Variants in DNAH7 observed in about 807,000 individuals in gnomAD.
DNAH7 encodes axonemal beta dynein heavy chain 7.
DNAH7 carries 397 observed loss-of-function variants against 444.6 expected under a neutral mutation model. The observed-to-expected ratio is 0.89, with a 90% CI of 0.82 to 0.97. DNAH7 has a LOEUF of 0.97. Ranked by LOEUF, DNAH7 falls within the 50% of genes least tolerant of loss-of-function variation. The pLI is 0.00. For missense variants in DNAH7, 4,902 were observed against 4,800.8 expected, an observed-to-expected ratio of 1.02 and a Z score of -0.62; for synonymous variants, 1,636 against 1,624.4, an observed-to-expected ratio of 1.01 and a Z score of -0.17.
At chr2:196,054,655 C>G (rs1697691208) in intron 2 of DNAH7, among the ~76,000 whole-genome samples, 1 of 152,182 alleles carries the variant, frequency 6.6e-6, no homozygotes, top group African/African-American at 2.4e-5. Flanking sequence ...TTGGCTGTGT[C>G]CCAACCCAAA....
chr2:196,053,024 C>T (rs895463548), intron 2 of DNAH7, among the ~76,000 whole-genome samples: 1 of 108,482 alleles, frequency 9.2e-6, no homozygotes, highest in African/African-American at 3.7e-5. Context: ...TTATGGAGTA[C>T]ACATTCTAGA....
At chr2:195,750,392 C>T (rs902200533) in intron 63 of DNAH7, among the ~76,000 whole-genome samples, 2 of 152,118 alleles carry the variant, frequency 1.3e-5, no homozygotes, top group African/African-American at 2.4e-5. Flanking sequence ...AAACATATAA[C>T]CCTGAAAGAC....
rs116045638 is a variant in DNAH7 at position 196,022,398 on chromosome 2, A to G, written c.743+2031T>C. On this transcript the variant is annotated intron_variant, in intron 8 of 64. Transcript: ENST00000312428. ...AACTAGAACTTCTTTCAAAATTGGA[A>G]TCAATCCTCTTGAACTCTGATGCTG... 5.3e-3 allele frequency among the ~76,000 whole-genome samples: 801 copies of G among 152,354 alleles called. 4 individuals carry two copies. Among genetic ancestry groups the G allele is most frequent in the African/African-American group, 0.018 (760 of 41,572 alleles).
At chr2:195,997,591 G>A (rs1377475678) in intron 12 of DNAH7, among the ~76,000 whole-genome samples, 2 of 151,964 alleles carry the variant, frequency 1.3e-5, no homozygotes, top group African/African-American at 2.4e-5. Flanking sequence ...ACCTCCAGAT[G>A]TTCTAAAGCA....
intron 19 of DNAH7, among the ~76,000 whole-genome samples, chr2:195,944,336 G>C (rs1213989507): frequency 1.3e-5 from 2 of 152,066 alleles, no homozygotes; most frequent in East Asian, 3.9e-4. Context: ...CAGAAGCCAG[G>C]TTTGGTCAAT....
rs142987428 is a variant in DNAH7 at position 195,895,359 on chromosome 2, C to T, written c.4648-135G>A. On this transcript the variant is annotated intron_variant, in intron 29 of 64. Transcript: ENST00000312428. ...TTAACAGCTTTATAGAGGAATAGTT[C>T]ACATACGCAAACGTGTATTTTTTTC... 7.0e-4 allele frequency: 389 copies of T among 554,024 alleles called. 1 individual carries two copies. In the African/African-American group the frequency reaches 7.0e-3, roughly 10 times the overall value. 34.3% of individuals were successfully genotyped at this position (554,024 alleles called of 1,614,324 possible). A position where few individuals can be genotyped will look rare whatever the true frequency, so the allele number is the denominator to read the frequency against.
chr2:195,986,823 T>C (rs1448924396), intron 14 of DNAH7, among the ~76,000 whole-genome samples: 2 of 152,130 alleles, frequency 1.3e-5, no homozygotes, highest in Non-Finnish European at 2.9e-5. Context: ...GTAAAAGAAA[T>C]ACACATTTTA....
chr2:195,820,176 C>T (rs1697391639), intron 49 of DNAH7, among the ~76,000 whole-genome samples: 1 of 152,038 alleles, frequency 6.6e-6, no homozygotes, highest in Non-Finnish European at 1.5e-5. Context: ...ATTAGAAATA[C>T]TTGTTTTTTA....
chr2:195,890,251 T>C (rs1033593027), intron 31 of DNAH7, among the ~76,000 whole-genome samples: 2 of 152,162 alleles, frequency 1.3e-5, no homozygotes, highest in African/African-American at 4.8e-5. Flanking sequence ...GAGCCACAGC[T>C]CGGTGATCAT....
chr2:195,751,875 C>T (rs548862791), intron 63 of DNAH7, among the ~76,000 whole-genome samples: 1 of 152,284 alleles, frequency 6.6e-6, no homozygotes, highest in East Asian at 1.9e-4. Flanking sequence ...TATCTATCTT[C>T]ATTTTTTAAA....
chr2:195,790,584 A>T (rs1043959199), intron 57 of DNAH7, among the ~76,000 whole-genome samples: 1 of 152,176 alleles, frequency 6.6e-6, no homozygotes. Flanking sequence ...AAAATAAGCA[A>T]TGGAGAAAAG....
intron 17 of DNAH7, among the ~76,000 whole-genome samples, chr2:195,964,727 T>A (rs1357972652): frequency 3.5e-5 from 4 of 115,054 alleles, no homozygotes; most frequent in East Asian, 2.9e-4. Context: ...AAAAAAAAAA[T>A]TAGCCAGGCA....
intron 47 of DNAH7, among the ~76,000 whole-genome samples, chr2:195,839,981 T>C (rs936931241): frequency 6.6e-6 from 1 of 151,702 alleles, no homozygotes; most frequent in Non-Finnish European, 1.5e-5. Context: ...TTCCACAAAA[T>C]AGGAGAGAAG....
rs140976714 is a variant in DNAH7 at position 195,990,775 on chromosome 2, TTGTGTGTGTG to T, written c.1354-2556_1354-2547del. On this transcript the variant is annotated intron_variant, in intron 12 of 64. Transcript: ENST00000312428. ...TGATGTTTAGGTTACTATAGCTTTG[TTGTGTGTGTG>T]TGTGTGTGTGTGTGTGTGTGTGTGT... Among the ~76,000 whole-genome samples, 13 of 132,946 alleles carry T rather than the reference TTGTGTGTGTG, an allele frequency of 9.8e-5. 1 individual carries two copies. The highest frequency in any genetic ancestry group is 1.6e-4 in the Admixed American group (2 of 12,866). The allele number at this position is 132,946 out of a possible 152,430, so 87.2% of individuals were successfully genotyped here. A position where few individuals can be genotyped will look rare whatever the true frequency, so the allele number is the denominator to read the frequency against.
intron 63 of DNAH7, among the ~76,000 whole-genome samples, chr2:195,746,024 T>G (rs947554957): frequency 6.6e-5 from 10 of 152,190 alleles, no homozygotes; most frequent in Non-Finnish European, 1.3e-4. Flanking sequence ...GTAAATGGAC[T>G]AAATGCTCCA....
chr2:195,969,837 A>G (rs1691723206), intron 17 of DNAH7, 111 bp downstream of exon 17: 2 of 1,070,884 alleles, frequency 1.9e-6, no homozygotes, highest in Admixed American at 6.2e-5. Context: ...CCTCTAATTA[A>G]ATGTGGTTAC....
At chr2:195,795,173 G>A (rs1368379190) in intron 56 of DNAH7, among the ~76,000 whole-genome samples, 1 of 152,222 alleles carries the variant, frequency 6.6e-6, no homozygotes, top group African/African-American at 2.4e-5. Flanking sequence ...CTGAGCTCAA[G>A]AGTTCGAGAC....
At chr2:195,995,292 T>C (rs1014620450) in intron 12 of DNAH7, 1 of 477,010 alleles carries the variant, frequency 2.1e-6, no homozygotes, top group African/African-American at 2.0e-5. Context: ...CCTTCTCTTT[T>C]GTACTTTTAG....
At chr2:195,744,786 C>A (rs1169188418) in intron 63 of DNAH7, among the ~76,000 whole-genome samples, 1 of 152,226 alleles carries the variant, frequency 6.6e-6, no homozygotes, top group African/African-American at 2.4e-5. Context: ...AGACCTGCAG[C>A]TGAGGGTCCT....
Sources: allele counts gnomAD v4.1 joint callset (sites outside exome capture counted in the v4.1 genomes callset), GRCh38; gene constraint gnomAD v4.1.1; transcripts MANE v1.5; gene names NCBI Gene and HGNC (gene_info 2026-07-23, HGNC 2026-07-21).